CSRNP2: variants seen among roughly 807,000 people sequenced by gnomAD.
CSRNP2 encodes the protein cysteine/serine-rich nuclear protein 2.
Under a neutral mutation model 36.6 loss-of-function variants are expected in CSRNP2, and 11 were observed. The observed-to-expected ratio is 0.30, with a 90% CI of 0.19 to 0.50. The LOEUF (loss-of-function observed/expected upper bound fraction) is 0.50, where lower values mean the gene tolerates loss of function less well. Ranked by LOEUF, CSRNP2 falls within the 20% of genes least tolerant of loss-of-function variation. The probability of loss-of-function intolerance (pLI) is 0.98; values close to 1 mark genes in which losing one functional copy is unlikely to be tolerated. For missense variants in CSRNP2, 483 were observed against 691.4 expected (o/e 0.70, Z 3.38); for synonymous variants, 248 against 275.3 (o/e 0.90, Z 0.98).
rs367941053 is a variant in CSRNP2, at chr12:51,073,816, T to G, written c.411+7A>C. 1.9e-6 allele frequency: 3 copies of G among 1,612,942 alleles called. No individual in the cohort carries two copies. The highest frequency in any genetic ancestry group is 2.7e-5 in the African/African-American group (2 of 74,790). On this transcript the variant is annotated splice_region_variant and intron_variant, in intron 3 of 4. Coordinates refer to ENST00000228515, the MANE Select transcript of CSRNP2 (RefSeq NM_030809.3). ...GGACAGCAGTAGATCCCAGAACACT[T>G]AGGCACCTTCATTTTCTTGGCATGG...
At chr12:51,081,518 G>A (rs1198248640) in intron 1 of CSRNP2, 1 of 152,194 alleles carries the variant, frequency 6.6e-6, no homozygotes, top group Admixed American at 6.5e-5. Context: ...GGTAAAAACC[G>A]ACAGTTAACT....
intron 2 of CSRNP2, 52 bp from the exon 3 acceptor site, chr12:51,074,134 T>A (rs757731878): frequency 6.4e-7 from 1 of 1,552,492 alleles, no homozygotes; most frequent in Admixed American, 1.9e-5. Flanking sequence ...TTTATTTATT[T>A]AGAGATGGAG....
rs539304548 is a variant in CSRNP2 at position 51,067,601 on chromosome 12, G to C, written c.708+72C>G. ...ATCCACCCCTGAATGGGCCTCCCAT[G>C]TTCAGTGGCACCCACACCTCACCCC... On this transcript the variant is annotated intron_variant, in intron 4 of 4. Coordinates refer to ENST00000228515, the MANE Select transcript of CSRNP2 (RefSeq NM_030809.3). This position sits in a 1 kb window ranked among gnomAD's most constrained non-coding sequence, Gnocchi z 4.1. 43 of 1,471,706 alleles carry C rather than the reference G, an allele frequency of 2.9e-5. No homozygotes were observed. In the South Asian group the frequency reaches 5.4e-4, roughly 18 times the overall value. The allele number at this position is 1,471,706 out of a possible 1,614,324, so 91.2% of individuals were successfully genotyped here. A position where few individuals can be genotyped will look rare whatever the true frequency, so the allele number is the denominator to read the frequency against.
At chr12:51,069,865 TG>T (rs1938924621) in intron 3 of CSRNP2, among the ~76,000 whole-genome samples, 1 of 151,498 alleles carries the variant, frequency 6.6e-6, no homozygotes, top group African/African-American at 2.4e-5. Context: ...GCTAATTTTT[TG>T]TATTTTTGTA....
chr12:51,081,833 CA>C (rs55955876), intron 1 of CSRNP2, among the ~76,000 whole-genome samples: 316 of 81,804 alleles, frequency 3.9e-3, no homozygotes, highest in African/African-American at 9.8e-3. Context: ...AACAAACAAA[CA>C]AACAACAACA....
chr12:51,069,281 TC>T (rs1296927204), intron 3 of CSRNP2, among the ~76,000 whole-genome samples: 44 of 142,304 alleles, frequency 3.1e-4, no homozygotes, highest in Admixed American at 7.5e-4. Context: ...GGCTTCCTTC[TC>T]CTTTCTTTTT....
At chr12:51,069,101 G>A (rs1008558320) in intron 3 of CSRNP2, among the ~76,000 whole-genome samples, 6 of 150,906 alleles carry the variant, frequency 4.0e-5, no homozygotes, top group Non-Finnish European at 7.4e-5. Flanking sequence ...TCAGTCTCCC[G>A]AGTAGCTGGG....
In CSRNP2 at chr12:51,074,061, T is replaced by A; in HGVS notation, c.173A>T (p.Gln58Leu). 6.2e-7 allele frequency: 1 copy of A among 1,614,184 alleles called. No individual in the cohort carries two copies. The highest frequency in any genetic ancestry group is 8.5e-7 in the Non-Finnish European group (1 of 1,180,012). Residue 58 changes from glutamine to leucine, a missense_variant, in exon 3 of 5, where the codon CAG (glutamine) becomes CTG (leucine). Gln to Leu is a moderately radical substitution (Grantham distance 113). Transcript: ENST00000228515. Reference sequence around the variant, plus strand: ...TACATTCTTCCTCCGCAGCTGCTTCTGCCGCTTCAGGATGGATGTGGCTGA... The same window carrying A: ...TACATTCTTCCTCCGCAGCTGCTTCAGCCGCTTCAGGATGGATGTGGCTGA... ...SFTPTSILKR[Q>L]KQLRRKNVRF...
intron 1 of CSRNP2, among the ~76,000 whole-genome samples, chr12:51,081,850 A>C (rs1939657814): frequency 1.4e-5 from 2 of 147,768 alleles, no homozygotes; most frequent in Admixed American, 1.3e-4. Flanking sequence ...CAACAACAAC[A>C]AAAAAAAACA....
rs778785019 is a variant in CSRNP2 at position 51,063,736 on chromosome 12, C to G, written c.*10G>C. The G allele has an allele frequency of 2.6e-6, 4 of 1,529,532 alleles. No individual in the cohort carries two copies. The highest frequency in any genetic ancestry group is 3.5e-6 in the Non-Finnish European group (4 of 1,138,580). 94.7% of individuals were successfully genotyped at this position (1,529,532 alleles called of 1,614,324 possible). A position where few individuals can be genotyped will look rare whatever the true frequency, so the allele number is the denominator to read the frequency against. Reference sequence around the variant, plus strand: ...AGAGAATGGGTAAGAGGCAGGACCTCTAGCGCCTGTCACACTGCCAGAGGG... The same window carrying G: ...AGAGAATGGGTAAGAGGCAGGACCTGTAGCGCCTGTCACACTGCCAGAGGG... On this transcript the variant is annotated 3_prime_UTR_variant, in exon 5 of 5. Transcript: ENST00000228515.
chr12:51,077,066 A>AGG (rs1939432706), intron 1 of CSRNP2, among the ~76,000 whole-genome samples: 6 of 147,192 alleles, frequency 4.1e-5, no homozygotes, highest in Non-Finnish European at 8.8e-5. Context: ...AAAAAGGAAA[A>AGG]AAAGAAAAGC....
intron 3 of CSRNP2, 51 bp from the exon 4 acceptor site, chr12:51,068,020 T>C: frequency 6.5e-7 from 1 of 1,547,766 alleles, no homozygotes; most frequent in Non-Finnish European, 8.8e-7. Flanking sequence ...GGCATGCACC[T>C]CCTCAGTGAC....
At position 51,070,569 on chromosome 12, in the gene CSRNP2, G is replaced by T. The variant is rs145650466; in HGVS notation, c.412-2600C>A. Among the ~76,000 whole-genome samples the T allele has an allele frequency of 5.5e-3, 832 of 152,262 alleles. 3 individuals carry two copies. Among genetic ancestry groups the T allele is most frequent in the East Asian group, 0.037 (191 of 5,188 alleles). On this transcript the variant is annotated intron_variant, in intron 3 of 4. Coordinates refer to ENST00000228515, the MANE Select transcript of CSRNP2 (RefSeq NM_030809.3). Reference sequence around the variant, plus strand: ...GTGGCATTTCAAATCAGTGAGAAAAGAGTCTTCTAGTTATTAAATCGTATT... The same window carrying T: ...GTGGCATTTCAAATCAGTGAGAAAATAGTCTTCTAGTTATTAAATCGTATT...
intron 3 of CSRNP2, among the ~76,000 whole-genome samples, chr12:51,070,319 G>GAAGTA (rs1426572438): frequency 6.6e-6 from 1 of 152,202 alleles, no homozygotes; most frequent in Non-Finnish European, 1.5e-5. Flanking sequence ...GAAATGAAGA[G>GAAGTA]AAGTAAAGTG....
At chr12:51,083,272 C>G (rs1592777127) in intron 1 of CSRNP2, 67 bp downstream of exon 1, 1 of 153,002 alleles carries the variant, frequency 6.5e-6, no homozygotes, top group East Asian at 1.9e-4. Context: ...CCTCCACGGC[C>G]GCCCGAGGGC....
At chr12:51,068,100 G>A in intron 3 of CSRNP2, 131 bp from the exon 4 acceptor site, 1 of 746,330 alleles carries the variant, frequency 1.3e-6, no homozygotes, top group Non-Finnish European at 2.2e-6. Context: ...CAAAATGATG[G>A]CAGCTACTAG....
chr12:51,067,018 T>TG lies in CSRNP2; in HGVS notation c.708+654dup, dbSNP rs1695468498. ...CTAATTTTTGTATTTTTTGTAAAGA[T>TG]GGGGCTTAGCCATGTTGCCCAGGCT... On this transcript the variant is annotated intron_variant, in intron 4 of 4. Coordinates refer to ENST00000228515, the MANE Select transcript of CSRNP2 (RefSeq NM_030809.3). This position sits in a 1 kb window ranked among gnomAD's most constrained non-coding sequence, Gnocchi z 4.1. 6.6e-6 allele frequency among the ~76,000 whole-genome samples: 1 copy of TG among 152,004 alleles called. No homozygotes were observed. The highest frequency in any genetic ancestry group is 1.5e-5 in the Non-Finnish European group (1 of 67,980).
Position 51,076,542 on chromosome 12 carries a change from G to A in CSRNP2, c.20C>T (p.Ser7Leu), listed in dbSNP as rs755733467. 26 of 1,613,910 alleles carry A rather than the reference G, an allele frequency of 1.6e-5. No individual in the cohort carries two copies. The highest frequency in any genetic ancestry group is 1.3e-4 in the South Asian group (12 of 91,070). Residue 7 changes from serine (S) to leucine (L), a missense_variant, in exon 2 of 5, where the codon TCG (serine) becomes TTG (leucine). This residue lies in a region of CSRNP2 where 206 missense variants were observed against 367.8 expected (regional missense o/e 0.56). Coordinates refer to ENST00000228515, the MANE Select transcript of CSRNP2 (RefSeq NM_030809.3). ...ATCATCAAACTTCCTCTTGAGACCCGAGCCCGTGAATGCATCCATTGGTTT... is the reference window on the plus strand; with the variant it reads ...ATCATCAAACTTCCTCTTGAGACCCAAGCCCGTGAATGCATCCATTGGTTT... MDAFTGSGLKRKFDDVD... is the reference protein window; with the variant it reads MDAFTGLGLKRKFDDVD...
intron 4 of CSRNP2, among the ~76,000 whole-genome samples, chr12:51,066,728 T>G (rs897158597): frequency 6.6e-6 from 1 of 152,228 alleles, no homozygotes; most frequent in African/African-American, 2.4e-5. Flanking sequence ...GGTCTGATCC[T>G]GAATTATAAA....
Sources: allele counts gnomAD v4.1 joint callset (sites outside exome capture counted in the v4.1 genomes callset), GRCh38; gene constraint gnomAD v4.1.1; regional missense constraint gnomAD v4.1.1; non-coding constraint Gnocchi (gnomAD v3.1); transcripts MANE v1.5; gene names NCBI Gene and HGNC (gene_info 2026-07-23, HGNC 2026-07-21).